SNX25: variants seen among roughly 807,000 people sequenced by gnomAD.
SNX25 encodes the protein sorting nexin-25.
In SNX25, 62 loss-of-function variants were observed where a neutral mutation model predicts 113.7. The ratio of observed to expected loss-of-function variants is 0.55; its 90% CI spans 0.44 to 0.67. The LOEUF is 0.67. SNX25 is among the 30% of genes least tolerant of loss of function. The probability of loss-of-function intolerance (pLI) is 0.00; values close to 1 mark genes in which losing one functional copy is unlikely to be tolerated. For synonymous variants in SNX25, 421 were observed against 436.2 expected (o/e 0.97, Z 0.43); for missense variants, 1,014 against 1,161.0 (o/e 0.87, Z 1.84).
At chr4:185,341,218 C>T (rs541620420) in intron 11 of SNX25, among the ~76,000 whole-genome samples, 25 of 149,172 alleles carry the variant, frequency 1.7e-4, no homozygotes, top group African/African-American at 2.3e-4. Context: ...TGTATGTGCA[C>T]GTGTGCACGC....
intron 14 of SNX25, among the ~76,000 whole-genome samples, chr4:185,352,158 G>A (rs915494291): frequency 6.6e-6 from 1 of 152,160 alleles, no homozygotes; most frequent in African/African-American, 2.4e-5. Flanking sequence ...AAAGTATAGA[G>A]CCTGCAGAGC....
At chr4:185,285,280 G>C (rs1751186673) in intron 5 of SNX25, among the ~76,000 whole-genome samples, 1 of 152,062 alleles carries the variant, frequency 6.6e-6, no homozygotes. Flanking sequence ...GATGCTTTCT[G>C]TTTAATCTGA....
downstream of SNX25, chr4:185,373,008 G>A: frequency 6.2e-7 from 1 of 1,613,870 alleles, no homozygotes; most frequent in Non-Finnish European, 8.5e-7. Context: ...GTCCATACAA[G>A]TACATGAGCC....
At chr4:185,260,156 T>C (rs1747084178) in intron 3 of SNX25, among the ~76,000 whole-genome samples, 1 of 151,956 alleles carries the variant, frequency 6.6e-6, no homozygotes, top group African/African-American at 2.4e-5. Context: ...TTAAAAATAA[T>C]GTTTAAGACC....
chr4:185,374,181 A>G (rs780949207), downstream of SNX25: 27 of 1,614,162 alleles, frequency 1.7e-5, no homozygotes, highest in Non-Finnish European at 2.2e-5. Context: ...CAGCCCGAGC[A>G]TACTTTGAGC....
At position 185,316,689 on chromosome 4, in the gene SNX25, G is replaced by A. The variant is rs528117871; in HGVS notation, c.1345-4044G>A. On this transcript the variant is annotated intron_variant, in intron 7 of 18. Transcript: ENST00000652585. ...ATATCAGTTTACTTATTTGACCCAG[G>A]GTCAAGCCAAAATGAACACTGCCAA... Among the ~76,000 whole-genome samples the A allele has an allele frequency of 2.6e-5, 4 of 152,270 alleles. No individual in the cohort carries two copies. The South Asian group carries it at 8.3e-4, about 32-fold the overall frequency.
At chr4:185,255,816 G>A (rs953171525) in intron 2 of SNX25, among the ~76,000 whole-genome samples, 1 of 152,154 alleles carries the variant, frequency 6.6e-6, no homozygotes, top group Non-Finnish European at 1.5e-5. Flanking sequence ...CTGAAGGGAC[G>A]AAACTCACTT....
At position 185,316,742 on chromosome 4, in the gene SNX25, A is replaced by G. The variant is rs144032521; in HGVS notation, c.1345-3991A>G. On this transcript the variant is annotated intron_variant, in intron 7 of 18. Coordinates refer to ENST00000652585, the MANE Select transcript of SNX25 (RefSeq NM_001378034.2). ...GCAGCCAGGACTCGACTTGAGTGTG[A>G]AAGGGTTTCCTGGCTCTTTCTGTTG... Among the ~76,000 whole-genome samples the G allele has an allele frequency of 1.1e-3, 175 of 152,320 alleles. 1 individual carries two copies. The Middle Eastern group carries it at 0.014, about 12-fold the overall frequency.
At chr4:185,277,483 C>G (rs148492306) in intron 5 of SNX25, among the ~76,000 whole-genome samples, 1 of 152,122 alleles carries the variant, frequency 6.6e-6, no homozygotes, top group African/African-American at 2.4e-5. Flanking sequence ...GAAACCCTGA[C>G]TGTGGCATTT....
At chr4:185,359,171 G>C (rs1383315999) in intron 16 of SNX25, among the ~76,000 whole-genome samples, 1 of 152,042 alleles carries the variant, frequency 6.6e-6, no homozygotes, top group African/African-American at 2.4e-5. Flanking sequence ...TGGGCAACAT[G>C]GTGAGACCCT....
In SNX25 at chr4:185,334,204, T is replaced by C. The variant is rs2095215474; in HGVS notation, c.1914+1445T>C. ...AAATACAAAAATTAGCCAGGCATGGTGGCATGCATGGTAATCCCAGCTACT... is the reference window on the plus strand; with the variant it reads ...AAATACAAAAATTAGCCAGGCATGGCGGCATGCATGGTAATCCCAGCTACT... On this transcript the variant is annotated intron_variant, in intron 10 of 18. Transcript: ENST00000652585. This position sits in a 1 kb window ranked among gnomAD's most constrained non-coding sequence, Gnocchi z 4.2. Among the ~76,000 whole-genome samples the C allele has an allele frequency of 6.6e-6, 1 of 151,904 alleles. No homozygotes were observed.
chr4:185,241,995 C>T (rs924830722), intron 1 of SNX25, among the ~76,000 whole-genome samples: 19 of 152,102 alleles, frequency 1.2e-4, no homozygotes, highest in African/African-American at 4.6e-4. Context: ...GTTGAATTTT[C>T]ATTAGCTTCT....
At chr4:185,211,845 GCCT>G (rs1560888864) in intron 1 of SNX25, among the ~76,000 whole-genome samples, 3 of 151,848 alleles carry the variant, frequency 2.0e-5, no homozygotes, top group Non-Finnish European at 2.9e-5. Context: ...GGCATTGAAA[GCCT>G]CCTGTTGTGG....
chr4:185,305,112 G>A (rs531969366), intron 6 of SNX25, among the ~76,000 whole-genome samples: 1 of 152,278 alleles, frequency 6.6e-6, no homozygotes, highest in African/African-American at 2.4e-5. Flanking sequence ...TTGCTCCCCA[G>A]GGGACATGTG....
At chr4:185,224,362 T>G (rs961661925) in intron 1 of SNX25, among the ~76,000 whole-genome samples, 13 of 144,952 alleles carry the variant, frequency 9.0e-5, no homozygotes, top group African/African-American at 3.3e-4. Context: ...AAAATATATA[T>G]ATATAAAAAT....
At chr4:185,278,846 A>C (rs1294711729) in intron 5 of SNX25, among the ~76,000 whole-genome samples, 1 of 152,230 alleles carries the variant, frequency 6.6e-6, no homozygotes, top group African/African-American at 2.4e-5. Context: ...TAGTCATACT[A>C]ACAGCTGACA....
At chr4:185,281,039 A>G (rs905954500) in intron 5 of SNX25, among the ~76,000 whole-genome samples, 2 of 152,134 alleles carry the variant, frequency 1.3e-5, no homozygotes, top group African/African-American at 4.8e-5. Context: ...CTAGAATCCC[A>G]TAGTAATGTT....
intron 15 of SNX25, among the ~76,000 whole-genome samples, chr4:185,356,756 T>C (rs575184348): frequency 6.6e-6 from 1 of 152,322 alleles, no homozygotes; most frequent in South Asian, 2.1e-4. Flanking sequence ...TTGGCTCCAT[T>C]ATGACTGAGT....
At chr4:185,241,938 G>A (rs1744118936) in intron 1 of SNX25, among the ~76,000 whole-genome samples, 1 of 152,080 alleles carries the variant, frequency 6.6e-6, no homozygotes, top group African/African-American at 2.4e-5. Flanking sequence ...GACAATTATT[G>A]TTTGGTTATC....
Sources: gnomAD v4.1 joint callset for allele counts (sites outside exome capture counted in the v4.1 genomes callset) on GRCh38, gnomAD v4.1.1 for gene constraint, Gnocchi (gnomAD v3.1) non-coding constraint, MANE v1.5 for transcripts, NCBI Gene and HGNC (gene_info 2026-07-23, HGNC 2026-07-21) for gene names.